VASH2: variants seen among roughly 807,000 people sequenced by gnomAD.
VASH2 encodes the protein tubulinyl-Tyr carboxypeptidase 2.
A neutral mutation model predicts 37.2 loss-of-function variants in VASH2; 28 were observed. The ratio of observed to expected loss-of-function variants is 0.75; its 90% confidence interval spans 0.56 to 1.03. VASH2 has a LOEUF of 1.03. Ranked by LOEUF, VASH2 falls within the 50% of genes least tolerant of loss-of-function variation. The pLI is 0.00. For synonymous variants in VASH2, 188 were observed against 174.7 expected (o/e 1.08, Z -0.60); for missense variants, 419 against 459.1 (o/e 0.91, Z 0.80).
chr1:212,988,652 G>T lies in VASH2; in HGVS notation c.*68G>T. On this transcript the variant is annotated 3_prime_UTR_variant, in exon 8 of 8. Coordinates refer to ENST00000517399, the MANE Select transcript of VASH2 (RefSeq NM_001301056.2). ...CTCTGCACTTTACCCAGCATCTTCAGGAGGAACTGCAACTATTTATTAAGA... is the reference window on the plus strand; with the variant it reads ...CTCTGCACTTTACCCAGCATCTTCATGAGGAACTGCAACTATTTATTAAGA... 1.4e-6 allele frequency: 2 copies of T among 1,474,712 alleles called. No individual in the cohort carries two copies. The highest frequency in any genetic ancestry group is 1.4e-5 in the African/African-American group (1 of 72,106). 91.4% of individuals were successfully genotyped at this position (1,474,712 alleles called of 1,614,324 possible). A position where few individuals can be genotyped will look rare whatever the true frequency, so the allele number is the denominator to read the frequency against.
intron 3 of VASH2, among the ~76,000 whole-genome samples, chr1:212,962,566 C>A (rs1666710902): frequency 6.6e-6 from 1 of 152,206 alleles, no homozygotes; most frequent in South Asian, 2.1e-4. Context: ...GTCTTCCTTG[C>A]AGGGACCGAA....
chr1:212,966,023 G>A (rs1666829522), intron 4 of VASH2: 5 of 600,258 alleles, frequency 8.3e-6, no homozygotes, highest in Admixed American at 6.0e-5. Context: ...GCCTCTCGAG[G>A]CTTCATTTAT....
intron 7 of VASH2, among the ~76,000 whole-genome samples, chr1:212,976,806 G>A (rs1007202495): frequency 6.6e-6 from 1 of 152,214 alleles, no homozygotes; most frequent in Non-Finnish European, 1.5e-5. Flanking sequence ...GTGGGCCTGG[G>A]AATGGGGAGA....
At chr1:212,981,305 G>A (rs530176022) in intron 7 of VASH2, among the ~76,000 whole-genome samples, 12 of 152,218 alleles carry the variant, frequency 7.9e-5, no homozygotes, top group African/African-American at 2.7e-4. Context: ...TGCCAGCACC[G>A]GTGCTTTCCA....
intron 5 of VASH2, chr1:212,968,116 A>C: frequency 1.4e-6 from 1 of 717,166 alleles, no homozygotes; most frequent in Non-Finnish European, 1.7e-6. Flanking sequence ...AGATTTGGAC[A>C]TGTGAAATTT....
At chr1:212,953,997 C>T (rs749186756) in intron 2 of VASH2, among the ~76,000 whole-genome samples, 1 of 151,998 alleles carries the variant, frequency 6.6e-6, no homozygotes, top group Non-Finnish European at 1.5e-5. Context: ...CAGCCTCAAC[C>T]TCCCAGGCTC....
Position 212,972,680 on chromosome 1 carries a change from T to G in VASH2, c.598T>G (p.Cys200Gly), listed in dbSNP as rs751105699. Residue 200 changes from cysteine (C) to glycine (G), a missense_variant, in exon 6 of 8, where the codon TGC (cysteine) becomes GGC (glycine). By Grantham distance (159) the Cys-to-Gly change is radical. Coordinates refer to ENST00000517399, the MANE Select transcript of VASH2 (RefSeq NM_001301056.2). ...YFHHVVLGIY[C>G]NGRYGSLGMS... ...TCACCACGTTGTGCTGGGGATTTAC[T>G]GCAATGGCCGCTATGGCTCATTGGG... 4 of 1,614,220 alleles carry G rather than the reference T, an allele frequency of 2.5e-6. No homozygotes were observed. The East Asian group carries it at 8.9e-5, about 36-fold the overall frequency.
chr1:212,956,625 T>C (rs1666506097), intron 2 of VASH2, among the ~76,000 whole-genome samples: 1 of 152,156 alleles, frequency 6.6e-6, no homozygotes, highest in Non-Finnish European at 1.5e-5. Flanking sequence ...CTTGAAAAGG[T>C]TGCACCAATT....
chr1:212,955,479 G>C (rs1474460492), intron 2 of VASH2, among the ~76,000 whole-genome samples: 1 of 152,202 alleles, frequency 6.6e-6, no homozygotes, highest in African/African-American at 2.4e-5. Flanking sequence ...GAAACAGCAA[G>C]AGTCAGTTGG....
intron 7 of VASH2, among the ~76,000 whole-genome samples, chr1:212,980,298 G>A (rs899131336): frequency 2.6e-5 from 4 of 152,228 alleles, no homozygotes; most frequent in African/African-American, 7.2e-5. Flanking sequence ...GAGTGACCAC[G>A]TGAAACATTC....
intron 2 of VASH2, chr1:212,952,393 A>G (rs1330449326): frequency 1.3e-5 from 2 of 151,940 alleles, no homozygotes; most frequent in Non-Finnish European, 2.9e-5. Context: ...CACCTCTGAA[A>G]CTTGCAAAAC....
At chr1:212,954,784 G>A (rs1007605741) in intron 2 of VASH2, among the ~76,000 whole-genome samples, 8 of 152,162 alleles carry the variant, frequency 5.3e-5, no homozygotes, top group East Asian at 1.9e-4. Flanking sequence ...AAGGTTACGC[G>A]AAAACTGCTT....
chr1:212,955,505 G>A (rs914396887), intron 2 of VASH2, among the ~76,000 whole-genome samples: 2 of 152,168 alleles, frequency 1.3e-5, no homozygotes, highest in African/African-American at 2.4e-5. Flanking sequence ...AATAGCAGAT[G>A]GGAAGCGAGG....
At chr1:212,955,268 C>A (rs1372917464) in intron 2 of VASH2, among the ~76,000 whole-genome samples, 3 of 152,166 alleles carry the variant, frequency 2.0e-5, no homozygotes, top group Non-Finnish European at 4.4e-5. Flanking sequence ...CTAAATGACA[C>A]TTCATTTGAC....
chr1:212,978,857 C>G (rs767693181), intron 7 of VASH2, among the ~76,000 whole-genome samples: 1 of 152,196 alleles, frequency 6.6e-6, no homozygotes, highest in Non-Finnish European at 1.5e-5. Flanking sequence ...CACTTCTTTT[C>G]TCTTTCTCCA....
At position 212,951,867 on chromosome 1, in the gene VASH2, C is replaced by T; in HGVS notation, c.276+49C>T. Reference sequence around the variant, plus strand: ...TGGGGGGCTGGGGGTAGGTAGGCAGCGATGGGACCGTTTCAGCCTATACAT... The same window carrying T: ...TGGGGGGCTGGGGGTAGGTAGGCAGTGATGGGACCGTTTCAGCCTATACAT... On this transcript the variant is annotated intron_variant, in intron 2 of 7. Transcript: ENST00000517399. The surrounding 1 kb of genome is among the most constrained non-coding windows in gnomAD (Gnocchi z 4.4). The T allele has an allele frequency of 6.4e-7, 1 of 1,559,020 alleles. No homozygotes were observed. Among genetic ancestry groups the T allele is most frequent in the East Asian group, 2.3e-5 (1 of 43,924 alleles).
At chr1:212,968,117 T>A in intron 5 of VASH2, 1 of 723,446 alleles carries the variant, frequency 1.4e-6, no homozygotes, top group Non-Finnish European at 1.7e-6. Context: ...GATTTGGACA[T>A]GTGAAATTTG....
chr1:212,963,503 C>T (rs114156555), intron 3 of VASH2, among the ~76,000 whole-genome samples: 4,930 of 151,972 alleles, frequency 0.032, 241 homozygotes, highest in Admixed American at 0.14. Context: ...GCTCAGCTGG[C>T]GGTGGGGATA....
At chr1:212,987,053 GAGAA>G (rs1245598322) in intron 7 of VASH2, among the ~76,000 whole-genome samples, 3 of 150,230 alleles carry the variant, frequency 2.0e-5, no homozygotes, top group Non-Finnish European at 4.4e-5. Flanking sequence ...GAGAGAGAGA[GAGAA>G]AAGGGGTAGT....
Sources: gnomAD v4.1 joint callset for allele counts (sites outside exome capture counted in the v4.1 genomes callset) on GRCh38, gnomAD v4.1.1 for gene constraint, Gnocchi (gnomAD v3.1) non-coding constraint, MANE v1.5 for transcripts, NCBI Gene and HGNC (gene_info 2026-07-23, HGNC 2026-07-21) for gene names.